The following FOXN3 variants were observed in gnomAD, a reference collection of about 807,000 sequenced individuals.
FOXN3 encodes forkhead box N3.
A neutral mutation model predicts 38.4 loss-of-function variants in FOXN3; 7 were observed. The observed-to-expected ratio is 0.18, with a 90% CI of 0.10 to 0.34. The LOEUF is 0.34. Ranked by LOEUF, FOXN3 falls within the 10% of genes least tolerant of loss-of-function variation. The probability of loss-of-function intolerance (pLI) is 1.00; values close to 1 mark genes in which losing one functional copy is unlikely to be tolerated. For missense variants in FOXN3, 456 were observed against 613.4 expected, an observed-to-expected ratio of 0.74 and a Z score of 2.71; for synonymous variants, 230 against 242.2, an observed-to-expected ratio of 0.95 and a Z score of 0.47.
At chr14:89,502,141 G>A (rs929739568) in intron 1 of FOXN3, among the ~76,000 whole-genome samples, 1 of 152,124 alleles carries the variant, frequency 6.6e-6, no homozygotes, top group Admixed American at 6.5e-5. Flanking sequence ...CAGCCTGGGC[G>A]ACAAAGCAAG....
intron 1 of FOXN3, among the ~76,000 whole-genome samples, chr14:89,510,276 A>G (rs974904117): frequency 7.2e-5 from 11 of 152,282 alleles, no homozygotes; most frequent in Admixed American, 1.3e-4. Flanking sequence ...TTCTGTATAC[A>G]TTGCTTCTCT....
In FOXN3 at chr14:89,162,886, T is replaced by A; in HGVS notation, c.935A>T (p.Asp312Val). ...GGACTTGGCACTGCTGTAGTTGTGA[T>A]CCTCCTTGGGGTCTCCGCTGACCAC... is the stretch of plus-strand genomic sequence containing the variant. The part of the protein sequence containing the change: ...SPVVSGDPKE[D>V]HNYSSAKSSN... Residue 312 changes from aspartate (D) to valine (V), a missense_variant, in exon 6 of 6, where the codon GAT becomes GTT. This residue lies in a region of FOXN3 where 386 missense variants were observed against 505.2 expected (regional missense o/e 0.76). Coordinates refer to ENST00000557258, the MANE Select transcript of FOXN3 (RefSeq NM_005197.4). This position sits in a 1 kb window ranked among gnomAD's most constrained non-coding sequence, Gnocchi z 7.2. The A allele has an allele frequency of 1.2e-6, 2 of 1,611,282 alleles. No homozygotes were observed. The highest frequency in any genetic ancestry group is 8.5e-7 in the Non-Finnish European group (1 of 1,179,544).
At chr14:89,240,609 T>C (rs904861304) in intron 4 of FOXN3, among the ~76,000 whole-genome samples, 1 of 152,214 alleles carries the variant, frequency 6.6e-6, no homozygotes, top group East Asian at 1.9e-4. Flanking sequence ...CCTGTGCCCA[T>C]CTGTGTAAAC....
chr14:89,166,219 T>C (rs1381519453), intron 5 of FOXN3, among the ~76,000 whole-genome samples: 1 of 152,182 alleles, frequency 6.6e-6, no homozygotes, highest in African/African-American at 2.4e-5. Context: ...ATAAGAGGAA[T>C]GGTTTCGAGC....
intron 1 of FOXN3, among the ~76,000 whole-genome samples, chr14:89,414,688 G>A (rs927085243): frequency 2.0e-5 from 3 of 152,176 alleles, no homozygotes; most frequent in South Asian, 2.1e-4. Flanking sequence ...CAAGTAGCTG[G>A]GACTACAGGC....
At chr14:89,492,861 C>G (rs895905320) in intron 1 of FOXN3, among the ~76,000 whole-genome samples, 1 of 152,176 alleles carries the variant, frequency 6.6e-6, no homozygotes, top group African/African-American at 2.4e-5. Flanking sequence ...CACATTGTAT[C>G]TACCCACTGG....
intron 2 of FOXN3, among the ~76,000 whole-genome samples, chr14:89,363,130 C>T (rs74764151): frequency 0.027 from 4,170 of 152,262 alleles, 81 homozygotes; most frequent in Non-Finnish European, 0.044. Flanking sequence ...AAACTGCAGG[C>T]GTGCACACAC....
chr14:89,570,770 C>T (rs1205469878), intron 1 of FOXN3, among the ~76,000 whole-genome samples: 1 of 151,938 alleles, frequency 6.6e-6, no homozygotes, highest in African/African-American at 2.4e-5. Flanking sequence ...TCAAATGTGG[C>T]TCAGGGAAGC....
At chr14:89,243,664 A>G (rs1885206649) in intron 4 of FOXN3, among the ~76,000 whole-genome samples, 2 of 152,250 alleles carry the variant, frequency 1.3e-5, no homozygotes, top group Admixed American at 6.5e-5. Flanking sequence ...CTTCTGCTAC[A>G]GGTAAATACA....
At chr14:89,450,090 G>A (rs7158072) in intron 1 of FOXN3, among the ~76,000 whole-genome samples, 63,751 of 151,974 alleles carry the variant, frequency 0.42, 13,407 homozygotes, top group Admixed American at 0.47. Context: ...TGGCCCATCC[G>A]CTCCATTTTC....
intron 1 of FOXN3, among the ~76,000 whole-genome samples, chr14:89,539,131 G>A (rs765327790): frequency 1.3e-5 from 2 of 152,124 alleles, no homozygotes; most frequent in African/African-American, 4.8e-5. Context: ...CGTGAGCCAC[G>A]TGCCTGGCCA....
chr14:89,411,323 G>A (rs939353820), intron 2 of FOXN3, among the ~76,000 whole-genome samples: 2 of 152,128 alleles, frequency 1.3e-5, no homozygotes, highest in Admixed American at 6.5e-5. Context: ...TCTCTAATGG[G>A]ACCCTCACTC....
intron 3 of FOXN3, among the ~76,000 whole-genome samples, chr14:89,339,864 A>G (rs565149283): frequency 1.3e-5 from 2 of 152,328 alleles, no homozygotes; most frequent in South Asian, 4.1e-4. Context: ...GCCAGGCCAG[A>G]ACCCCCACCT....
chr14:89,484,538 C>T lies in FOXN3; in HGVS notation c.-14-72048G>A, dbSNP rs1893406047. On this transcript the variant is annotated intron_variant, in intron 1 of 6. Coordinates refer to the FOXN3 transcript ENST00000345097. This position sits in a 1 kb window ranked among gnomAD's most constrained non-coding sequence, Gnocchi z 4.0. ...AAAAATGTGAAAACCATTCTTAGTA[C>T]ATTGGCGATGCACAGACAGGCGGCA... 1.3e-5 allele frequency among the ~76,000 whole-genome samples: 2 copies of T among 152,218 alleles called. No individual in the cohort carries two copies. Among genetic ancestry groups the T allele is most frequent in the African/African-American group, 4.8e-5 (2 of 41,464 alleles).
intron 3 of FOXN3, among the ~76,000 whole-genome samples, chr14:89,335,095 ACACACACACACACAC>A (rs1888408347): frequency 6.8e-6 from 1 of 146,102 alleles, no homozygotes; most frequent in South Asian, 2.1e-4. Flanking sequence ...ACACACACAC[ACACACACACACACAC>A]ACACACACAC....
intron 4 of FOXN3, among the ~76,000 whole-genome samples, chr14:89,229,717 C>T (rs1884750303): frequency 6.6e-6 from 1 of 152,126 alleles, no homozygotes; most frequent in South Asian, 2.1e-4. Flanking sequence ...GTGCTGGGTA[C>T]AGGTGGTAAG....
chr14:89,325,265 CCAT>C (rs1172948600), intron 3 of FOXN3, among the ~76,000 whole-genome samples: 85 of 147,134 alleles, frequency 5.8e-4, no homozygotes, highest in African/African-American at 1.9e-3. Flanking sequence ...ACCACCACCA[CCAT>C]CACCAACACC....
chr14:89,412,031 G>T lies in FOXN3; in HGVS notation c.446C>A (p.Pro149Gln). The change falls in exon 2 of 6, where the codon CCG (proline) becomes CAG (glutamine). Residue 149 changes from proline to glutamine, a missense_variant. Pro to Gln is a moderately conservative substitution (Grantham distance 76). Coordinates refer to ENST00000557258, the MANE Select transcript of FOXN3 (RefSeq NM_005197.4). The surrounding 1 kb of genome is among the most constrained non-coding windows in gnomAD (Gnocchi z 4.7). The stretch of plus-strand genomic sequence containing the variant: ...CCCAGTAGGTGCATTTGCAAAATAC[G>T]GAAAATGTTCCAAGATCCAGTTGTA... ...DIYNWILEHF[P>Q]YFANAPTGWK... is the part of the protein sequence containing the mutation. 1.9e-6 allele frequency: 3 copies of T among 1,612,864 alleles called. No homozygotes were observed. The highest frequency in any genetic ancestry group is 2.5e-6 in the Non-Finnish European group (3 of 1,179,388).
intron 4 of FOXN3, among the ~76,000 whole-genome samples, chr14:89,184,646 G>A (rs563604048): frequency 1.3e-4 from 20 of 152,238 alleles, no homozygotes; most frequent in Non-Finnish European, 2.8e-4. Context: ...TGGCTCTGTG[G>A]CCTTGGCCTA....
Sources: allele counts gnomAD v4.1 joint callset (sites outside exome capture counted in the v4.1 genomes callset), GRCh38; gene constraint gnomAD v4.1.1; regional missense constraint gnomAD v4.1.1; non-coding constraint Gnocchi (gnomAD v3.1); transcripts MANE v1.5; gene names NCBI Gene and HGNC (gene_info 2026-07-23, HGNC 2026-07-21).